The following MPZL3 variants were observed in gnomAD, a reference collection of about 807,000 sequenced individuals.
The protein encoded by MPZL3 is myelin protein zero-like protein 3.
A neutral mutation model predicts 24.8 loss-of-function variants in MPZL3; 23 were observed. The ratio of observed to expected loss-of-function variants is 0.93; its 90% confidence interval spans 0.67 to 1.31. The LOEUF (loss-of-function observed/expected upper bound fraction) is 1.31, where lower values mean the gene tolerates loss of function less well. Among genes scored for constraint, MPZL3 ranks in the 40% most tolerant of loss-of-function variants. The pLI, the probability that MPZL3 is intolerant of heterozygous loss-of-function variation, is 0.00. For missense variants in MPZL3, 277 were observed against 294.9 expected (o/e 0.94, Z 0.44); for synonymous variants, 99 against 106.5 (o/e 0.93, Z 0.44).
chr11:118,252,343 A>G lies in MPZL3; in HGVS notation c.-49T>C, dbSNP rs375448332. On this transcript the variant is annotated 5_prime_UTR_variant, in exon 1 of 6. Coordinates refer to ENST00000278949, the MANE Select transcript of MPZL3 (RefSeq NM_198275.3). The stretch of plus-strand genomic sequence containing the variant: ...CACACCTTGTTTACAGCTCCCGGTA[A>G]CGACACAGGTAACACCGGAAGTGAC... The G allele has an allele frequency of 3.8e-6, 6 of 1,583,142 alleles. No homozygotes were observed. The highest frequency in any genetic ancestry group is 5.2e-6 in the Non-Finnish European group (6 of 1,153,764).
chr11:118,248,277 G>A (rs933935669), intron 1 of MPZL3, among the ~76,000 whole-genome samples: 2 of 151,984 alleles, frequency 1.3e-5, no homozygotes, highest in Non-Finnish European at 2.9e-5. Context: ...GCCTCCCAAA[G>A]TGCTGGGATT....
At chr11:118,240,085 T>C in intron 2 of MPZL3, 126 bp downstream of exon 2, 1 of 897,614 alleles carries the variant, frequency 1.1e-6, no homozygotes, top group Non-Finnish European at 1.6e-6. Context: ...AGTTCATCTA[T>C]CTCTATTAAA....
At chr11:118,246,890 C>A (rs947008279) in intron 1 of MPZL3, among the ~76,000 whole-genome samples, 4 of 151,988 alleles carry the variant, frequency 2.6e-5, no homozygotes, top group Non-Finnish European at 5.9e-5. Context: ...TTAGCCTAGG[C>A]CACTTTTCGA....
rs1206986265 is a variant in MPZL3 at position 118,235,570 on chromosome 11, G to A, written c.471C>T (p.Ser157=). 6.2e-7 allele frequency: 1 copy of A among 1,613,812 alleles called. No individual in the cohort carries two copies. The highest frequency in any genetic ancestry group is 1.7e-5 in the Admixed American group (1 of 59,972). ...VTERGFGTML[S]SVALLSILVF... is the part of the protein sequence containing the mutation. The stretch of plus-strand genomic sequence containing the variant: ...CAAGGATGGAAAGAAGGGCCACAGA[G>A]GAAAGCATGGTGCCAAAACCTAGAG... Residue 157 remains serine (S), a synonymous_variant, in exon 4 of 6, where the codon TCC becomes TCT. Coordinates refer to ENST00000278949, the MANE Select transcript of MPZL3 (RefSeq NM_198275.3).
chr11:118,242,414 T>C (rs1419313086), intron 1 of MPZL3, among the ~76,000 whole-genome samples: 1 of 152,242 alleles, frequency 6.6e-6, no homozygotes, highest in African/African-American at 2.4e-5. Context: ...CTATTATTAT[T>C]AAAATGAACA....
chr11:118,250,747 AT>A (rs1426614098), intron 1 of MPZL3, among the ~76,000 whole-genome samples: 1 of 151,334 alleles, frequency 6.6e-6, no homozygotes, highest in East Asian at 2.0e-4. Context: ...CGCCTGGCTA[AT>A]TTTTTTTGTA....
chr11:118,241,124 T>A (rs909573546), intron 1 of MPZL3, among the ~76,000 whole-genome samples: 1 of 152,184 alleles, frequency 6.6e-6, no homozygotes, highest in African/African-American at 2.4e-5. Context: ...ACTCTGACAC[T>A]TCATCTCTCT....
rs1429705793 is a variant in MPZL3 at position 118,228,100 on chromosome 11, G to A, written c.*1794C>T. On this transcript the variant is annotated 3_prime_UTR_variant, in exon 6 of 6. Coordinates refer to ENST00000278949, the MANE Select transcript of MPZL3 (RefSeq NM_198275.3). ...TGTCTTTGCCCTTCTACTTCCTCGC[G>A]TGACCAGAGTCAAATCACAATGTCC... The A allele has an allele frequency of 2.6e-5, 4 of 152,112 alleles. No individual in the cohort carries two copies. The highest frequency in any genetic ancestry group is 3.9e-4 in the East Asian group (2 of 5,192). The allele number at this position is 152,112 out of a possible 1,614,324, so 9.4% of individuals were successfully genotyped here.
intron 4 of MPZL3, 140 bp from the exon 5 acceptor site, chr11:118,233,663 T>C: frequency 1.2e-6 from 1 of 825,516 alleles, no homozygotes; most frequent in Admixed American, 2.1e-5. Context: ...ACTGGGCAAA[T>C]TGTTTAAGCC....
At position 118,237,144 on chromosome 11, in the gene MPZL3, G is replaced by A. The variant is rs751678846; in HGVS notation, c.357C>T (p.Thr119=). The A allele has an allele frequency of 7.4e-6, 12 of 1,613,926 alleles. No homozygotes were observed. The Admixed American group carries it at 1.7e-4, about 22-fold the overall frequency. ...GDASISISNP[T]IKDNGTFSCA... ...AGCTGAATGTCCCATTGTCCTTTAT[G>A]GTAGGGTTGCTTATACTTATAGATG... Residue 119 remains threonine, a synonymous_variant, in exon 3 of 6, where the codon ACC becomes ACT. Coordinates refer to ENST00000278949, the MANE Select transcript of MPZL3 (RefSeq NM_198275.3).
chr11:118,248,288 A>T (rs558253399), intron 1 of MPZL3, among the ~76,000 whole-genome samples: 4 of 152,230 alleles, frequency 2.6e-5, no homozygotes, highest in Admixed American at 6.5e-5. Context: ...TGCTGGGATT[A>T]CAGGCGTGAG....
At chr11:118,248,195 T>C (rs1287238715) in intron 1 of MPZL3, among the ~76,000 whole-genome samples, 1 of 151,754 alleles carries the variant, frequency 6.6e-6, no homozygotes, top group Non-Finnish European at 1.5e-5. Flanking sequence ...TCTGTATTTT[T>C]AGTAGAGACA....
Position 118,240,275 on chromosome 11 carries a change from T to A in MPZL3, c.176A>T (p.Asp59Val). The change falls in exon 2 of 6, where the codon GAT (aspartate) becomes GTT (valine). Residue 59 changes from aspartate to valine, a missense_variant. Transcript: ENST00000278949. ...KLKCTFKSTS[D>V]VTDKLTIDWT... is the part of the protein sequence containing the mutation. Reference sequence around the variant, plus strand: ...GTCTATAGTAAGTTTGTCAGTGACATCTGAAGTTGACTTGAAAGTGCATTT... The same window carrying A: ...GTCTATAGTAAGTTTGTCAGTGACAACTGAAGTTGACTTGAAAGTGCATTT... 1 of 1,606,410 alleles carries A rather than the reference T, an allele frequency of 6.2e-7. No individual in the cohort carries two copies. The highest frequency in any genetic ancestry group is 8.5e-7 in the Non-Finnish European group (1 of 1,177,458).
At chr11:118,237,000 C>A (rs1949433679) in intron 3 of MPZL3, 50 bp downstream of exon 3, 1 of 1,519,232 alleles carries the variant, frequency 6.6e-7, no homozygotes, top group East Asian at 2.3e-5. Flanking sequence ...CAGAAAGCAC[C>A]ACAGCAGTCA....
At chr11:118,231,898 G>C (rs2134693668) in intron 5 of MPZL3, among the ~76,000 whole-genome samples, 1 of 152,242 alleles carries the variant, frequency 6.6e-6, no homozygotes, top group South Asian at 2.1e-4. Context: ...TGGACTCTCT[G>C]ATTCTGTCAT....
intron 2 of MPZL3, among the ~76,000 whole-genome samples, chr11:118,239,578 C>G (rs1354258571): frequency 1.3e-5 from 2 of 152,162 alleles, no homozygotes; most frequent in Admixed American, 6.5e-5. Flanking sequence ...TACAATGAAA[C>G]TTGGACCATA....
At chr11:118,229,966 G>T (rs2134691449) in intron 5 of MPZL3, 46 bp from the exon 6 acceptor site, 2 of 1,586,376 alleles carry the variant, frequency 1.3e-6, no homozygotes. Flanking sequence ...TCCAGAGTTG[G>T]AATTTAGGCA....
At chr11:118,246,374 C>T (rs553501132) in intron 1 of MPZL3, among the ~76,000 whole-genome samples, 7 of 152,060 alleles carry the variant, frequency 4.6e-5, no homozygotes, top group African/African-American at 9.6e-5. Flanking sequence ...AAATCGAATG[C>T]GGTAAACATT....
chr11:118,240,180 A>G, intron 2 of MPZL3, 31 bp downstream of exon 2: 1 of 1,508,326 alleles, frequency 6.6e-7, no homozygotes. Flanking sequence ...ACTGTTGACC[A>G]AAGGAACATT....
Sources: gnomAD v4.1 joint callset for allele counts (sites outside exome capture counted in the v4.1 genomes callset) on GRCh38, gnomAD v4.1.1 for gene constraint, MANE v1.5 for transcripts, NCBI Gene and HGNC (gene_info 2026-07-23, HGNC 2026-07-21) for gene names.